Variants in SLC2A14 observed in about 807,000 individuals in gnomAD.
SLC2A14 encodes solute carrier family 2 member 14, also known as solute carrier family 2, facilitated glucose transporter member 14.
A neutral mutation model predicts 43.0 loss-of-function variants in SLC2A14; 13 were observed. The observed-to-expected ratio is 0.30, with a 90% CI of 0.20 to 0.48. The LOEUF is 0.48. Among genes scored for constraint, SLC2A14 ranks in the 20% least tolerant of loss-of-function variants. The pLI is 0.99. For missense variants in SLC2A14, 428 were observed against 620.4 expected (o/e 0.69, Z 3.29); for synonymous variants, 190 against 233.8 (o/e 0.81, Z 1.71).
chr12:7,876,769 CT>C (rs1565586447), upstream of SLC2A14, among the ~76,000 whole-genome samples: 3 of 151,918 alleles, frequency 2.0e-5, no homozygotes, highest in South Asian at 6.2e-4. Flanking sequence ...TTAAAACTCA[CT>C]GATGCCAGGA....
chr12:7,831,550 T>C lies in SLC2A14; in HGVS notation c.272+54A>G, dbSNP rs745792752. 2.6e-5 allele frequency: 42 copies of C among 1,607,240 alleles called. No homozygotes were observed. The East Asian group carries it at 7.1e-4, about 27-fold the overall frequency. ...CCTCCCTGCCCTAACTCTCCACACT[T>C]GTCCCCAATGCATCTGGTAGAGCCC... On this transcript the variant is annotated intron_variant, in intron 4 of 10. Transcript: ENST00000431042.
intron 1 of SLC2A14, among the ~76,000 whole-genome samples, chr12:7,884,326 C>T (rs977120268): frequency 2.0e-5 from 3 of 152,128 alleles, no homozygotes; most frequent in African/African-American, 7.2e-5. Context: ...CTCCTTCTTC[C>T]TCCAACCCCT....
intron 1 of SLC2A14, chr12:7,870,866 G>C: frequency 3.1e-6 from 4 of 1,282,884 alleles, no homozygotes; most frequent in Non-Finnish European, 4.0e-6. Flanking sequence ...TCAGCAAGTG[G>C]ACCAAAGCCA....
rs754956753 is a variant in SLC2A14, at chr12:7,813,071, C to T, written c.*1245G>A. ...TGGTAACAGACATACGCAAGCGTGC[C>T]GTGAGCCTAAAGCAACAACACACTT... is the stretch of plus-strand genomic sequence containing the variant. On this transcript the variant is annotated 3_prime_UTR_variant, in exon 11 of 11. Transcript: ENST00000431042. 9 of 151,400 alleles carry T rather than the reference C, an allele frequency of 5.9e-5. No individual in the cohort carries two copies. The South Asian group carries it at 1.3e-3, about 21-fold the overall frequency. The allele number at this position is 151,400 out of a possible 1,614,324, so 9.4% of individuals were successfully genotyped here. A position where few individuals can be genotyped will look rare whatever the true frequency, so the allele number is the denominator to read the frequency against.
chr12:7,881,247 G>A (rs1296550179), intron 1 of SLC2A14, among the ~76,000 whole-genome samples: 6 of 152,114 alleles, frequency 3.9e-5, no homozygotes, highest in Admixed American at 1.3e-4. Flanking sequence ...CTAGGCCGGA[G>A]CCAGCTCCCT....
intron 2 of SLC2A14, among the ~76,000 whole-genome samples, chr12:7,841,449 C>T (rs1474123306): frequency 3.9e-5 from 6 of 151,982 alleles, no homozygotes; most frequent in East Asian, 2.0e-4. Flanking sequence ...TTAGTAGAGA[C>T]GGGGTTTTGC....
chr12:7,826,834 T>TTCCTTCCTTCCTTCCTTCC (rs1864398710), intron 7 of SLC2A14, among the ~76,000 whole-genome samples: 2 of 29,568 alleles, frequency 6.8e-5, no homozygotes, highest in African/African-American at 2.3e-4. Context: ...TCTTTCTTTC[T>TTCCTTCCTTCCTTCCTTCC]TTCCTTCCTT....
intron 2 of SLC2A14, among the ~76,000 whole-genome samples, chr12:7,847,112 TG>T (rs1866535747): frequency 6.6e-6 from 1 of 151,444 alleles, no homozygotes; most frequent in Non-Finnish European, 1.5e-5. Flanking sequence ...ATTAACCAAG[TG>T]TGGTGGTGCA....
chr12:7,816,304 C>T lies in SLC2A14; in HGVS notation c.1275+1527G>A, dbSNP rs1240416467. 4.6e-4 allele frequency among the ~76,000 whole-genome samples: 49 copies of T among 106,186 alleles called. 13 individuals are homozygous for T. The highest frequency in any genetic ancestry group is 6.1e-4 in the Non-Finnish European group (32 of 52,464). 69.7% of individuals were successfully genotyped at this position (106,186 alleles called of 152,430 possible). ...TATTTTTAGTAGAGACGGGGTTTCA[C>T]CTTGTTAGCCAGGATGGTCTCGATC... On this transcript the variant is annotated intron_variant, in intron 10 of 10. Coordinates refer to ENST00000431042, the MANE Select transcript of SLC2A14 (RefSeq NM_001286234.2).
At chr12:7,873,905 C>T (rs1266456395), upstream of SLC2A14, among the ~76,000 whole-genome samples, 1 of 152,052 alleles carries the variant, frequency 6.6e-6, no homozygotes, top group East Asian at 1.9e-4. Context: ...TTGGAATTAC[C>T]TGGAGCCTTA....
At chr12:7,829,375 C>T (rs1314055044) in intron 5 of SLC2A14, among the ~76,000 whole-genome samples, 2 of 151,768 alleles carry the variant, frequency 1.3e-5, no homozygotes, top group East Asian at 3.9e-4. Flanking sequence ...GCCTGGCCAA[C>T]ATGGTGAAAT....
At chr12:7,863,060 G>C (rs1008037440) in intron 2 of SLC2A14, among the ~76,000 whole-genome samples, 4 of 152,098 alleles carry the variant, frequency 2.6e-5, no homozygotes, top group Non-Finnish European at 4.4e-5. Flanking sequence ...AAGCTTTGTT[G>C]TTTCACTCTT....
chr12:7,844,679 G>A (rs1216898440), intron 2 of SLC2A14, among the ~76,000 whole-genome samples: 1 of 151,842 alleles, frequency 6.6e-6, no homozygotes, highest in Admixed American at 6.6e-5. Context: ...TGGGATTACA[G>A]GCAAATGCCA....
intron 1 of SLC2A14, among the ~76,000 whole-genome samples, chr12:7,881,085 G>T (rs1307658082): frequency 6.6e-6 from 1 of 152,152 alleles, no homozygotes; most frequent in Non-Finnish European, 1.5e-5. Context: ...GTTGCAGTAA[G>T]CCGAAATCGC....
intron 7 of SLC2A14, among the ~76,000 whole-genome samples, chr12:7,822,989 C>T (rs989333169): frequency 5.9e-5 from 9 of 152,088 alleles, no homozygotes; most frequent in Non-Finnish European, 1.2e-4. Flanking sequence ...AGGCCTAGGC[C>T]CTTTTGAAGT....
At chr12:7,864,758 G>T (rs759858326) in intron 2 of SLC2A14, among the ~76,000 whole-genome samples, 1 of 152,150 alleles carries the variant, frequency 6.6e-6, no homozygotes, top group Non-Finnish European at 1.5e-5. Context: ...TGACTGAGCC[G>T]CTATGGCCCA....
chr12:7,847,563 T>C (rs888719187), intron 2 of SLC2A14, among the ~76,000 whole-genome samples: 1 of 152,164 alleles, frequency 6.6e-6, no homozygotes, highest in Non-Finnish European at 1.5e-5. Context: ...TTGTGTTTTC[T>C]TAGGGTTTTG....
intron 1 of SLC2A14, among the ~76,000 whole-genome samples, chr12:7,885,689 A>C (rs113586080): frequency 3.3e-5 from 5 of 152,080 alleles, no homozygotes; most frequent in African/African-American, 9.7e-5. Flanking sequence ...ACAAACAAAC[A>C]AACAAAAATC....
intron 2 of SLC2A14, among the ~76,000 whole-genome samples, chr12:7,846,793 G>A (rs1412901655): frequency 2.0e-5 from 3 of 151,190 alleles, no homozygotes; most frequent in Non-Finnish European, 4.4e-5. Context: ...CACTACACCC[G>A]CCTAATTTTT....
Sources: allele counts gnomAD v4.1 joint callset (sites outside exome capture counted in the v4.1 genomes callset), GRCh38; gene constraint gnomAD v4.1.1; transcripts MANE v1.5; gene names NCBI Gene and HGNC (gene_info 2026-07-23, HGNC 2026-07-21).